The following DDC variants were observed in gnomAD, a reference collection of about 807,000 sequenced individuals.
DDC encodes the protein aromatic-L-amino-acid decarboxylase.
In DDC, 43 loss-of-function variants were observed where a neutral mutation model predicts 60.0. That is an observed-to-expected ratio of 0.72 (90% CI 0.56 to 0.92). The LOEUF (loss-of-function observed/expected upper bound fraction) is 0.92. DDC is among the 40% of genes least tolerant of loss of function. The pLI is 0.00. For missense variants in DDC, 573 were observed against 620.2 expected, an observed-to-expected ratio of 0.92 and a Z score of 0.81; for synonymous variants, 232 against 234.6, an observed-to-expected ratio of 0.99 and a Z score of 0.10.
At chr7:50,495,854 C>T (rs11575413) in intron 8 of DDC, among the ~76,000 whole-genome samples, 2,925 of 152,262 alleles carry the variant, frequency 0.019, 167 homozygotes, top group Admixed American at 0.12. Flanking sequence ...ACAAGCACAA[C>T]GTACAGGAAT....
chr7:50,528,229 C>A lies in DDC; in HGVS notation c.622G>T (p.Ala208Ser). 6.2e-7 allele frequency: 1 copy of A among 1,614,172 alleles called. No homozygotes were observed. The highest frequency in any genetic ancestry group is 8.5e-7 in the Non-Finnish European group (1 of 1,180,032). ...AGLIGGVKLK[A>S]IPSDGNFAMR... The stretch of plus-strand genomic sequence containing the variant: ...GCGAAGTTGCCATCTGAGGGGATGG[C>A]TTTTAATTTCACTCCACCAATTAAC... The change falls in exon 6 of 15, where the codon GCC (alanine) becomes TCC (serine). Residue 208 changes from alanine to serine, a missense_variant. Physicochemically the swap from Ala to Ser is moderately conservative, Grantham distance 99 (BLOSUM62 1). Coordinates refer to ENST00000444124, the MANE Select transcript of DDC (RefSeq NM_001082971.2).
chr7:50,527,837 A>C, intron 6 of DDC: 2 of 341,292 alleles, frequency 5.9e-6, no homozygotes, highest in South Asian at 2.6e-5. Context: ...TCCACATTAC[A>C]CTGTGGAATT....
At chr7:50,563,671 G>A (rs548269898) in intron 1 of DDC, among the ~76,000 whole-genome samples, 366 of 152,096 alleles carry the variant, frequency 2.4e-3, no homozygotes, top group Non-Finnish European at 4.6e-3. Flanking sequence ...ACTCGATCTC[G>A]GCTCACCGCA....
intron 6 of DDC, among the ~76,000 whole-genome samples, chr7:50,510,435 A>T (rs1184928268): frequency 6.6e-6 from 1 of 152,120 alleles, no homozygotes; most frequent in Non-Finnish European, 1.5e-5. Context: ...TTGGGAGGCC[A>T]AGGCTGGCAG....
intron 6 of DDC, among the ~76,000 whole-genome samples, chr7:50,510,816 C>T (rs1449087283): frequency 6.6e-6 from 1 of 151,378 alleles, no homozygotes; most frequent in Non-Finnish European, 1.5e-5. Context: ...CCCGTCTCTA[C>T]TAAAAATACA....
intron 7 of DDC, among the ~76,000 whole-genome samples, chr7:50,500,464 T>C (rs944979554): frequency 6.6e-6 from 1 of 152,190 alleles, no homozygotes; most frequent in Non-Finnish European, 1.5e-5. Context: ...TATGATGTGA[T>C]CTGAGGTTTT....
chr7:50,468,759 A>C (rs553764642), intron 12 of DDC, among the ~76,000 whole-genome samples: 1 of 152,232 alleles, frequency 6.6e-6, no homozygotes, highest in East Asian at 1.9e-4. Flanking sequence ...GAATATCATA[A>C]GTGTGCTTGT....
intron 7 of DDC, among the ~76,000 whole-genome samples, chr7:50,502,386 C>T (rs1443980395): frequency 6.6e-6 from 1 of 152,182 alleles, no homozygotes. Flanking sequence ...GACAGCAGGC[C>T]ATGTGGGCTC....
chr7:50,527,347 T>C (rs11575349), intron 6 of DDC, among the ~76,000 whole-genome samples: 13,535 of 152,236 alleles, frequency 0.089, 959 homozygotes, highest in South Asian at 0.14. Flanking sequence ...AAAGAGTGTG[T>C]TTTGACAGAT....
At chr7:50,485,831 A>G (rs1275760027) in intron 9 of DDC, among the ~76,000 whole-genome samples, 1 of 152,194 alleles carries the variant, frequency 6.6e-6, no homozygotes, top group African/African-American at 2.4e-5. Flanking sequence ...TCTCCACGTT[A>G]CAAGGCACCA....
intron 14 of DDC, 148 bp downstream of exon 14, chr7:50,463,065 G>T: frequency 1.4e-6 from 1 of 701,000 alleles, no homozygotes; most frequent in South Asian, 1.7e-5. Context: ...ACCGCACCCG[G>T]CCTTCTCTTC....
At chr7:50,560,482 T>C (rs918258194) in intron 1 of DDC, among the ~76,000 whole-genome samples, 2 of 152,072 alleles carry the variant, frequency 1.3e-5, no homozygotes, top group Non-Finnish European at 2.9e-5. Flanking sequence ...TCAAACCTGG[T>C]TTTTACTATG....
At chr7:50,497,370 T>C (rs1364869546) in intron 8 of DDC, among the ~76,000 whole-genome samples, 1 of 152,186 alleles carries the variant, frequency 6.6e-6, no homozygotes, top group Non-Finnish European at 1.5e-5. Flanking sequence ...AAACCTCAAG[T>C]TGTCAGTTCT....
At chr7:50,462,768 GTTTTTTTTTTT>G (rs11302809) in intron 14 of DDC, among the ~76,000 whole-genome samples, 5 of 98,364 alleles carry the variant, frequency 5.1e-5, no homozygotes, top group East Asian at 2.7e-4. Flanking sequence ...TCTTCTTCTT[GTTTTTTTTTTT>G]TTTTTTTTTT....
At chr7:50,525,450 A>G (rs2044011410) in intron 6 of DDC, among the ~76,000 whole-genome samples, 1 of 152,186 alleles carries the variant, frequency 6.6e-6, no homozygotes, top group Admixed American at 6.5e-5. Context: ...GTAATTTTCT[A>G]TGAATCTACG....
intron 4 of DDC, among the ~76,000 whole-genome samples, chr7:50,533,890 C>A (rs1349663088): frequency 6.6e-6 from 1 of 152,168 alleles, no homozygotes; most frequent in Non-Finnish European, 1.5e-5. Context: ...ATCTGTCCTG[C>A]AGACCCTGGC....
intron 13 of DDC, 47 bp downstream of exon 13, chr7:50,467,158 ACTTTCCCCT>A: frequency 6.9e-7 from 1 of 1,448,338 alleles, no homozygotes; most frequent in South Asian, 1.1e-5. Flanking sequence ...AATGAACAAC[ACTTTCCCCT>A]CTGTCACATT....
intron 6 of DDC, among the ~76,000 whole-genome samples, chr7:50,520,522 G>C (rs1003704931): frequency 6.6e-6 from 1 of 152,046 alleles, no homozygotes; most frequent in Non-Finnish European, 1.5e-5. Context: ...GTACTTAAAG[G>C]GAAATTTACA....
Position 50,499,205 on chromosome 7 carries a change from G to A in DDC, c.819C>T (p.Ala273=), listed in dbSNP as rs1223621491. 2.5e-6 allele frequency: 4 copies of A among 1,613,954 alleles called. No individual in the cohort carries two copies. Among genetic ancestry groups the A allele is most frequent in the Non-Finnish European group, 3.4e-6 (4 of 1,179,984 alleles). Residue 273 remains alanine, a synonymous_variant, in exon 8 of 15, where the codon GCC becomes GCT. Transcript: ENST00000444124. ...GGCAGATGAATGCACTGCCTGCGTA[G>A]GCTGCATCAACGTGCAGCCATATGT... ...KEDIWLHVDA[A]YAGSAFICPE...
Sources: gnomAD v4.1 joint callset for allele counts (sites outside exome capture counted in the v4.1 genomes callset) on GRCh38, gnomAD v4.1.1 for gene constraint, MANE v1.5 for transcripts, NCBI Gene and HGNC (gene_info 2026-07-23, HGNC 2026-07-21) for gene names.